The following KCNIP4 variants were observed in gnomAD, a reference collection of about 807,000 sequenced individuals.
KCNIP4 encodes Kv channel-interacting protein 4.
Under a neutral mutation model 34.0 loss-of-function variants are expected in KCNIP4, and 12 were observed. The observed-to-expected ratio is 0.35, with a 90% CI of 0.23 to 0.57. The LOEUF is 0.57. Among genes scored for constraint, KCNIP4 ranks in the 20% least tolerant of loss-of-function variants. KCNIP4 has a pLI of 0.83. For synonymous variants in KCNIP4, 124 were observed against 102.2 expected (o/e 1.21, Z -1.29); for missense variants, 238 against 311.7 (o/e 0.76, Z 1.78).
chr4:20,861,402 G>A (rs1477916429), intron 2 of KCNIP4, among the ~76,000 whole-genome samples: 2 of 152,088 alleles, frequency 1.3e-5, no homozygotes, highest in Non-Finnish European at 2.9e-5. Context: ...TCACACACAG[G>A]CTGCAAGTAG....
intron 1 of KCNIP4, among the ~76,000 whole-genome samples, chr4:20,967,727 A>G (rs1256054039): frequency 6.6e-6 from 1 of 152,248 alleles, no homozygotes; most frequent in Non-Finnish European, 1.5e-5. Flanking sequence ...GGCTAGCCAT[A>G]TGTAGAAAGC....
intron 1 of KCNIP4, among the ~76,000 whole-genome samples, chr4:21,296,710 C>T (rs1188532798): frequency 2.0e-5 from 3 of 151,980 alleles, no homozygotes; most frequent in Middle Eastern, 3.4e-3. Context: ...TATGGCTTCC[C>T]TATGAGAACT....
At chr4:21,307,853 T>C (rs1712658528) in intron 1 of KCNIP4, among the ~76,000 whole-genome samples, 1 of 152,188 alleles carries the variant, frequency 6.6e-6, no homozygotes, top group African/African-American at 2.4e-5. Flanking sequence ...ATCTTCAGCA[T>C]TTAATGTGAA....
intron 3 of KCNIP4, among the ~76,000 whole-genome samples, chr4:20,765,890 G>A (rs1294707971): frequency 1.3e-5 from 2 of 152,134 alleles, no homozygotes; most frequent in African/African-American, 2.4e-5. Context: ...CAGGCCATGT[G>A]GGGACACATG....
chr4:21,193,288 T>C (rs1016942694), intron 1 of KCNIP4, among the ~76,000 whole-genome samples: 6 of 152,190 alleles, frequency 3.9e-5, no homozygotes, highest in African/African-American at 1.4e-4. Flanking sequence ...TTACACTCTT[T>C]TTAAAGCTTT....
chr4:21,748,353 A>G (rs1560684467), intron 1 of KCNIP4, among the ~76,000 whole-genome samples: 3 of 152,288 alleles, frequency 2.0e-5, no homozygotes, highest in Non-Finnish European at 2.9e-5. Flanking sequence ...TCTCAATTGC[A>G]TAGGATTGTT....
chr4:20,866,019 C>G (rs1478686446), intron 2 of KCNIP4, among the ~76,000 whole-genome samples: 1 of 151,826 alleles, frequency 6.6e-6, no homozygotes, highest in Non-Finnish European at 1.5e-5. Context: ...TAATAAAGAA[C>G]CTGCCAACTA....
chr4:21,250,439 G>C (rs1760620631), intron 1 of KCNIP4, among the ~76,000 whole-genome samples: 1 of 152,008 alleles, frequency 6.6e-6, no homozygotes, highest in South Asian at 2.1e-4. Flanking sequence ...CATTAAATAA[G>C]TGGGAGTCAC....
At chr4:21,595,641 C>T (rs1189262188) in intron 1 of KCNIP4, among the ~76,000 whole-genome samples, 1 of 152,068 alleles carries the variant, frequency 6.6e-6, no homozygotes, top group Non-Finnish European at 1.5e-5. Context: ...TCCTCTTCTT[C>T]TCCAGCATCC....
At chr4:21,243,621 A>G (rs1760002828) in intron 1 of KCNIP4, among the ~76,000 whole-genome samples, 2 of 152,154 alleles carry the variant, frequency 1.3e-5, no homozygotes, top group Non-Finnish European at 2.9e-5. Flanking sequence ...GTAACTCCAG[A>G]ACTAGAAACT....
chr4:21,257,286 G>A (rs879844285), intron 1 of KCNIP4, among the ~76,000 whole-genome samples: 5 of 152,158 alleles, frequency 3.3e-5, no homozygotes, highest in African/African-American at 4.8e-5. Context: ...CTGGAGCTCA[G>A]GGCCTGATAT....
intron 1 of KCNIP4, among the ~76,000 whole-genome samples, chr4:21,469,711 C>G (rs1034583081): frequency 3.3e-5 from 5 of 152,130 alleles, no homozygotes; most frequent in Middle Eastern, 3.4e-3. Context: ...CCAGGATTCT[C>G]TAAACTTCAA....
chr4:21,915,288 C>A (rs1322392162), intron 1 of KCNIP4, among the ~76,000 whole-genome samples: 1 of 152,112 alleles, frequency 6.6e-6, no homozygotes, highest in Non-Finnish European at 1.5e-5. Context: ...TTATACTAAT[C>A]TAATAAAGGT....
chr4:20,916,252 G>A (rs377323214), intron 1 of KCNIP4: 2 of 851,694 alleles, frequency 2.3e-6, no homozygotes, highest in South Asian at 5.4e-5. Flanking sequence ...GCCCCAAAGA[G>A]CTCTCTTCTC....
chr4:20,748,411 C>T (rs1339704541), intron 5 of KCNIP4, among the ~76,000 whole-genome samples: 1 of 151,880 alleles, frequency 6.6e-6, no homozygotes, highest in Non-Finnish European at 1.5e-5. Flanking sequence ...GAGCAGGCTT[C>T]CCTGCTACAG....
intron 1 of KCNIP4, among the ~76,000 whole-genome samples, chr4:21,503,808 T>C (rs1009761771): frequency 2.6e-5 from 4 of 152,236 alleles, no homozygotes; most frequent in African/African-American, 9.6e-5. Context: ...ACCGTGTTGA[T>C]CAAGCTATGC....
intron 1 of KCNIP4, among the ~76,000 whole-genome samples, chr4:20,934,039 A>G (rs1345167965): frequency 6.6e-6 from 1 of 152,198 alleles, no homozygotes; most frequent in Non-Finnish European, 1.5e-5. Context: ...TACTTTATTC[A>G]AGTAAGTATG....
intron 1 of KCNIP4, among the ~76,000 whole-genome samples, chr4:21,426,506 A>G (rs746532896): frequency 1.2e-4 from 19 of 152,238 alleles, no homozygotes; most frequent in Non-Finnish European, 2.6e-4. Flanking sequence ...AGAAAAATGT[A>G]TAACAACAGA....
intron 1 of KCNIP4, among the ~76,000 whole-genome samples, chr4:21,346,290 T>TATATAA (rs1309316485): frequency 8.2e-5 from 7 of 85,300 alleles, no homozygotes; most frequent in African/African-American, 1.1e-4. Context: ...TATATTCACA[T>TATATAA]TTGTATATAT....
Sources: allele counts gnomAD v4.1 joint callset (sites outside exome capture counted in the v4.1 genomes callset), GRCh38; gene constraint gnomAD v4.1.1; transcripts MANE v1.5; gene names NCBI Gene and HGNC (gene_info 2026-07-23, HGNC 2026-07-21).